The following DPP10 variants were observed in gnomAD, a reference collection of about 807,000 sequenced individuals.
DPP10 encodes the protein inactive dipeptidyl peptidase 10.
Under a neutral mutation model 120.9 loss-of-function variants are expected in DPP10, and 33 were observed. That is an observed-to-expected ratio of 0.27 (90% CI 0.21 to 0.37). DPP10 has a LOEUF of 0.37. Ranked by LOEUF, DPP10 falls within the 10% of genes least tolerant of loss-of-function variation. DPP10 has a pLI of 1.00. For missense variants in DPP10, 816 were observed against 942.8 expected (o/e 0.87, Z 1.76); for synonymous variants, 337 against 326.1 (o/e 1.03, Z -0.36).
intron 1 of DPP10, among the ~76,000 whole-genome samples, chr2:114,772,976 TA>T (rs1339732901): frequency 1.3e-5 from 2 of 152,196 alleles, no homozygotes; most frequent in African/African-American, 4.8e-5. Context: ...TTTGGGGGAT[TA>T]AAATCTGGCT....
chr2:115,535,306 G>T (rs1348298463), intron 5 of DPP10, among the ~76,000 whole-genome samples: 1 of 148,158 alleles, frequency 6.7e-6, no homozygotes, highest in African/African-American at 2.4e-5. Flanking sequence ...GTAAGGAAGG[G>T]ATCCAGTTTC....
intron 1 of DPP10, among the ~76,000 whole-genome samples, chr2:115,207,093 T>G (rs1190435836): frequency 6.6e-6 from 1 of 152,208 alleles, no homozygotes; most frequent in Non-Finnish European, 1.5e-5. Flanking sequence ...CATTCCTGCT[T>G]TGTGTAATTT....
At chr2:115,258,545 A>T (rs193038633) in intron 1 of DPP10, among the ~76,000 whole-genome samples, 2 of 152,328 alleles carry the variant, frequency 1.3e-5, no homozygotes, top group East Asian at 3.9e-4. Flanking sequence ...ATCACCCTAA[A>T]TTGAATATAG....
At chr2:114,727,988 C>T (rs1676504415) in intron 1 of DPP10, among the ~76,000 whole-genome samples, 1 of 152,152 alleles carries the variant, frequency 6.6e-6, no homozygotes, top group Non-Finnish European at 1.5e-5. Flanking sequence ...AGCTTAATAT[C>T]CCCATGATCA....
intron 1 of DPP10, among the ~76,000 whole-genome samples, chr2:115,140,473 T>C (rs2050870440): frequency 6.6e-6 from 1 of 152,204 alleles, no homozygotes. Context: ...AAACTTGGCT[T>C]TTCTTTTCAC....
intron 1 of DPP10, among the ~76,000 whole-genome samples, chr2:114,999,765 T>C (rs574912657): frequency 6.6e-6 from 1 of 152,274 alleles, no homozygotes; most frequent in East Asian, 1.9e-4. Flanking sequence ...ACCTCCTCTG[T>C]ATAGTTTTCT....
At chr2:115,671,998 C>T (rs1157060140) in intron 5 of DPP10, among the ~76,000 whole-genome samples, 3 of 152,074 alleles carry the variant, frequency 2.0e-5, no homozygotes, top group African/African-American at 7.2e-5. Flanking sequence ...TATTCAAAAC[C>T]ACTTATAAGG....
rs577701229 is a variant in DPP10 at position 115,348,959 on chromosome 2, A to C, written c.271+5047A>C. ...TGGACCAGTGGTCAACCCTTCACCA[A>C]CTGGCTGTAGTAAGATAACAACACT... On this transcript the variant is annotated intron_variant, in intron 3 of 25. Coordinates refer to ENST00000410059, the MANE Select transcript of DPP10 (RefSeq NM_020868.6). Among the ~76,000 whole-genome samples, 7 of 152,200 alleles carry C rather than the reference A, an allele frequency of 4.6e-5. No homozygotes were observed. The East Asian group carries it at 1.4e-3, about 29-fold the overall frequency.
At chr2:115,754,966 A>T (rs1010492540) in intron 11 of DPP10, among the ~76,000 whole-genome samples, 2 of 152,088 alleles carry the variant, frequency 1.3e-5, no homozygotes, top group African/African-American at 4.8e-5. Flanking sequence ...GGTAAAAGTT[A>T]AGTACAGTGA....
intron 5 of DPP10, among the ~76,000 whole-genome samples, chr2:115,605,961 T>G (rs1473583523): frequency 6.6e-6 from 1 of 152,140 alleles, no homozygotes; most frequent in Non-Finnish European, 1.5e-5. Context: ...GCCTTTGATA[T>G]TTTATGTATC....
intron 1 of DPP10, among the ~76,000 whole-genome samples, chr2:114,785,292 C>T (rs319850): frequency 0.49 from 73,978 of 151,348 alleles, 19,024 homozygotes; most frequent in African/African-American, 0.64. Context: ...CACTGCTGCC[C>T]GGTCTAAGGT....
intron 13 of DPP10, among the ~76,000 whole-genome samples, chr2:115,775,108 A>T (rs894623909): frequency 1.3e-5 from 2 of 152,138 alleles, no homozygotes; most frequent in African/African-American, 4.8e-5. Context: ...TGCAATACAT[A>T]TAAACAACAG....
chr2:114,988,084 G>T (rs1363442131), intron 1 of DPP10, among the ~76,000 whole-genome samples: 1 of 151,968 alleles, frequency 6.6e-6, no homozygotes, highest in African/African-American at 2.4e-5. Flanking sequence ...GATTACAGGC[G>T]TGAGCCACCG....
At chr2:114,967,864 T>C (rs1236537913) in intron 1 of DPP10, among the ~76,000 whole-genome samples, 1 of 152,110 alleles carries the variant, frequency 6.6e-6, no homozygotes, top group East Asian at 1.9e-4. Context: ...AACCAAAATA[T>C]CACAGAACAG....
At chr2:114,812,872 T>C (rs186429203) in intron 1 of DPP10, among the ~76,000 whole-genome samples, 1 of 152,274 alleles carries the variant, frequency 6.6e-6, no homozygotes, top group Admixed American at 6.5e-5. Flanking sequence ...AGGCCAGATA[T>C]CCAGTTTATA....
chr2:114,828,685 C>T (rs965116705), intron 1 of DPP10: 5 of 152,136 alleles, frequency 3.3e-5, no homozygotes, highest in African/African-American at 1.2e-4. Flanking sequence ...CCAGAAGGTT[C>T]AAGAGTTAAA....
At chr2:115,379,373 G>C (rs1177719067) in intron 3 of DPP10, among the ~76,000 whole-genome samples, 11 of 152,108 alleles carry the variant, frequency 7.2e-5, no homozygotes, top group Non-Finnish European at 1.6e-4. Flanking sequence ...ATGGTAGTTT[G>C]TATTTCTGTG....
At chr2:114,995,692 T>A (rs1413808298) in intron 1 of DPP10, among the ~76,000 whole-genome samples, 1 of 152,056 alleles carries the variant, frequency 6.6e-6, no homozygotes, top group Non-Finnish European at 1.5e-5. Context: ...GGTTTTAGAG[T>A]GGGGGGAACC....
At chr2:114,711,519 T>G (rs1456420366) in intron 1 of DPP10, among the ~76,000 whole-genome samples, 1 of 152,148 alleles carries the variant, frequency 6.6e-6, no homozygotes, top group Non-Finnish European at 1.5e-5. Flanking sequence ...ATCTTTAAAC[T>G]GGGATGATAA....
Sources: allele counts gnomAD v4.1 joint callset (sites outside exome capture counted in the v4.1 genomes callset), GRCh38; gene constraint gnomAD v4.1.1; transcripts MANE v1.5; gene names NCBI Gene and HGNC (gene_info 2026-07-23, HGNC 2026-07-21).